The following NCKAP5 variants were observed in gnomAD, a reference collection of about 807,000 sequenced individuals.
NCKAP5 encodes the protein NCK associated protein 5.
NCKAP5 carries 92 observed loss-of-function variants against 167.0 expected under a neutral mutation model. That is an observed-to-expected ratio of 0.55 (90% CI 0.47 to 0.66). NCKAP5 has a LOEUF of 0.66. NCKAP5 is among the 30% of genes least tolerant of loss of function. The pLI is 0.00. For synonymous variants in NCKAP5, 891 were observed against 877.4 expected, an observed-to-expected ratio of 1.02 and a Z score of -0.27; for missense variants, 2,378 against 2,315.0, an observed-to-expected ratio of 1.03 and a Z score of -0.56.
intron 8 of NCKAP5, among the ~76,000 whole-genome samples, chr2:132,938,779 G>A (rs1187085208): frequency 2.6e-5 from 4 of 152,114 alleles, no homozygotes; most frequent in Admixed American, 6.6e-5. Context: ...GGGGGAGAGA[G>A]GTGAGAAAGA....
chr2:132,798,132 C>T (rs1684747466), intron 11 of NCKAP5, among the ~76,000 whole-genome samples: 1 of 152,166 alleles, frequency 6.6e-6, no homozygotes, highest in African/African-American at 2.4e-5. Context: ...GAGCTAAGAC[C>T]TCCATAGGTA....
chr2:132,743,719 C>T (rs1679403069), intron 16 of NCKAP5, among the ~76,000 whole-genome samples: 1 of 151,394 alleles, frequency 6.6e-6, no homozygotes, highest in African/African-American at 2.4e-5. Flanking sequence ...TCTAAACACT[C>T]CAATGAATAG....
In NCKAP5 at chr2:133,364,519, C is replaced by A. The variant is rs564736613; in HGVS notation, c.70-61409G>T. Among the ~76,000 whole-genome samples the A allele has an allele frequency of 4.6e-5, 7 of 152,246 alleles. No individual in the cohort carries two copies. In the South Asian group the frequency reaches 1.4e-3, roughly 32 times the overall value. ...GGTGAGAACCATTTAGTTGTCATTT[C>A]TCCTTAGTTTCCTTCATTCGCTAAC... On this transcript the variant is annotated intron_variant, in intron 3 of 19. Transcript: ENST00000409261.
intron 7 of NCKAP5, among the ~76,000 whole-genome samples, chr2:132,983,386 A>T (rs527935821): frequency 5.2e-4 from 79 of 152,292 alleles, no homozygotes; most frequent in African/African-American, 1.9e-3. Context: ...TTCTTGTTCC[A>T]GTTCTCAGAG....
intron 3 of NCKAP5, among the ~76,000 whole-genome samples, chr2:133,513,384 C>T (rs1369629782): frequency 2.6e-5 from 4 of 152,296 alleles, no homozygotes; most frequent in South Asian, 4.1e-4. Context: ...CCTCTGATCT[C>T]CTGCTAGGAG....
chr2:132,857,575 CTTAG>C (rs796541666), intron 11 of NCKAP5, among the ~76,000 whole-genome samples: 6 of 152,246 alleles, frequency 3.9e-5, no homozygotes, highest in African/African-American at 1.4e-4. Flanking sequence ...TTCAAATGAG[CTTAG>C]TTAGGAGATT....
intron 4 of NCKAP5, among the ~76,000 whole-genome samples, chr2:133,238,242 C>T (rs2087515017): frequency 6.6e-6 from 1 of 152,286 alleles, no homozygotes; most frequent in African/African-American, 2.4e-5. Context: ...TATGTCTTTT[C>T]CCAGGTTTAG....
chr2:133,078,576 G>A (rs1306904834), intron 6 of NCKAP5, among the ~76,000 whole-genome samples: 1 of 152,126 alleles, frequency 6.6e-6, no homozygotes, highest in African/African-American at 2.4e-5. Context: ...GAGCTGAAGA[G>A]ACTCAATACA....
At chr2:133,135,525 AT>A (rs2082759093) in intron 5 of NCKAP5, among the ~76,000 whole-genome samples, 2 of 152,208 alleles carry the variant, frequency 1.3e-5, no homozygotes, top group African/African-American at 4.8e-5. Context: ...ATGATTTCAG[AT>A]TTGGCAAAGT....
intron 4 of NCKAP5, among the ~76,000 whole-genome samples, chr2:133,258,640 G>A (rs940943554): frequency 5.9e-5 from 9 of 152,048 alleles, no homozygotes; most frequent in Non-Finnish European, 8.8e-5. Flanking sequence ...AGCTACTAGG[G>A]AGGCTGAGGT....
At chr2:133,037,975 G>A (rs908658083) in intron 6 of NCKAP5, among the ~76,000 whole-genome samples, 6 of 152,050 alleles carry the variant, frequency 3.9e-5, no homozygotes, top group Admixed American at 3.9e-4. Flanking sequence ...AACAAACGCT[G>A]GTGAGGATGT....
chr2:133,398,924 C>T (rs1276485214), intron 3 of NCKAP5, among the ~76,000 whole-genome samples: 1 of 151,984 alleles, frequency 6.6e-6, no homozygotes, highest in Non-Finnish European at 1.5e-5. Context: ...GGTGAGAATG[C>T]TAGGGGAAGT....
intron 6 of NCKAP5, among the ~76,000 whole-genome samples, chr2:133,081,635 T>C (rs556615826): frequency 6.6e-6 from 1 of 152,300 alleles, no homozygotes; most frequent in African/African-American, 2.4e-5. Context: ...AACTCATCTT[T>C]ACTTAGAAGC....
intron 3 of NCKAP5, among the ~76,000 whole-genome samples, chr2:133,387,103 T>G (rs549336768): frequency 2.6e-5 from 4 of 152,200 alleles, no homozygotes; most frequent in African/African-American, 7.2e-5. Flanking sequence ...GTTAGCTGGT[T>G]ATTTTGCTCG....
intron 3 of NCKAP5, among the ~76,000 whole-genome samples, chr2:133,356,290 C>T (rs1425288087): frequency 1.3e-5 from 2 of 152,154 alleles, no homozygotes; most frequent in Non-Finnish European, 2.9e-5. Context: ...TTAACAACCT[C>T]TCAGGGGTAC....
chr2:133,125,696 C>T (rs1273444964), intron 6 of NCKAP5, among the ~76,000 whole-genome samples: 11 of 152,126 alleles, frequency 7.2e-5, no homozygotes, highest in African/African-American at 2.7e-4. Flanking sequence ...ACTGTGAAGG[C>T]TTAATTTGCA....
At chr2:133,213,008 A>G (rs572062737) in intron 5 of NCKAP5, among the ~76,000 whole-genome samples, 1 of 152,336 alleles carries the variant, frequency 6.6e-6, no homozygotes, top group African/African-American at 2.4e-5. Context: ...TTGTTTTTCC[A>G]TAAGTGGAGG....
At chr2:133,303,222 C>T in intron 3 of NCKAP5, 112 bp from the exon 4 acceptor site, 1 of 693,122 alleles carries the variant, frequency 1.4e-6, no homozygotes, top group Non-Finnish European at 2.6e-6. Flanking sequence ...CCCTACTTCC[C>T]TTCCGGTTCT....
chr2:132,863,202 T>C (rs183870264), intron 10 of NCKAP5, among the ~76,000 whole-genome samples: 4 of 152,310 alleles, frequency 2.6e-5, no homozygotes, highest in Non-Finnish European at 5.9e-5. Context: ...TAACACTCTC[T>C]GCTCCCAAAC....
Sources: gnomAD v4.1 joint callset for allele counts (sites outside exome capture counted in the v4.1 genomes callset) on GRCh38, gnomAD v4.1.1 for gene constraint, MANE v1.5 for transcripts, NCBI Gene and HGNC (gene_info 2026-07-23, HGNC 2026-07-21) for gene names.